ACBD6: variants seen among roughly 807,000 people sequenced by gnomAD.
ACBD6 encodes acyl-CoA binding domain containing 6.
ACBD6 carries 28 observed loss-of-function variants against 37.2 expected under a neutral mutation model. The observed-to-expected ratio is 0.75, with a 90% confidence interval of 0.56 to 1.03. ACBD6 has a LOEUF of 1.03. ACBD6 is among the 50% of genes least tolerant of loss of function. ACBD6 has a pLI of 0.00. For missense variants in ACBD6, 340 were observed against 337.4 expected (o/e 1.01, Z -0.06); for synonymous variants, 113 against 126.8 (o/e 0.89, Z 0.73).
chr1:180,472,578 A>C (rs1258290265), intron 3 of ACBD6, among the ~76,000 whole-genome samples: 1 of 152,148 alleles, frequency 6.6e-6, no homozygotes, highest in Non-Finnish European at 1.5e-5. Flanking sequence ...AAAATTAATA[A>C]AATCTAAATC....
chr1:180,289,734 T>G (rs1252526538), intron 7 of ACBD6, among the ~76,000 whole-genome samples: 2 of 152,168 alleles, frequency 1.3e-5, no homozygotes, highest in Non-Finnish European at 2.9e-5. Context: ...TGTAGAACAC[T>G]GGAAACTAAT....
At chr1:180,414,913 A>G (rs1026326755) in intron 4 of ACBD6, among the ~76,000 whole-genome samples, 12 of 152,108 alleles carry the variant, frequency 7.9e-5, no homozygotes, top group African/African-American at 2.9e-4. Flanking sequence ...TAGAAAGTAG[A>G]GCTGCAAATA....
At chr1:180,416,785 C>T (rs192537718) in intron 4 of ACBD6, among the ~76,000 whole-genome samples, 1 of 152,242 alleles carries the variant, frequency 6.6e-6, no homozygotes, top group African/African-American at 2.4e-5. Context: ...TTGCCCATTC[C>T]TAAATATGTT....
At chr1:180,318,244 C>T (rs1210689583) in intron 6 of ACBD6, among the ~76,000 whole-genome samples, 1 of 147,532 alleles carries the variant, frequency 6.8e-6, no homozygotes. Flanking sequence ...ATGCTCCTTG[C>T]TCTGTCTGGA....
intron 6 of ACBD6, among the ~76,000 whole-genome samples, chr1:180,391,500 T>C (rs2101942430): frequency 7.6e-6 from 1 of 131,218 alleles, no homozygotes; most frequent in South Asian, 2.7e-4. Context: ...AAAATCTGAA[T>C]AGAAATTTCC....
In ACBD6 at chr1:180,438,776, C is replaced by G. The variant is rs116705966; in HGVS notation, c.385-8514G>C. 4.8e-3 allele frequency among the ~76,000 whole-genome samples: 728 copies of G among 152,152 alleles called. 12 individuals are homozygous for G. The highest frequency in any genetic ancestry group is 0.017 in the African/African-American group (687 of 41,512). Reference sequence around the variant, plus strand: ...TAATACACTATTATTAATGAAAGTCCATAGTTTACATTAGGGTTCACTCTT... The same window carrying G: ...TAATACACTATTATTAATGAAAGTCGATAGTTTACATTAGGGTTCACTCTT... On this transcript the variant is annotated intron_variant, in intron 3 of 7. Transcript: ENST00000367595.
At chr1:180,406,658 GCTTA>G in intron 5 of ACBD6, among the ~76,000 whole-genome samples, 1 of 152,180 alleles carries the variant, frequency 6.6e-6, no homozygotes, top group East Asian at 1.9e-4. Flanking sequence ...TACAAATGTA[GCTTA>G]CTTTATTATT....
At chr1:180,424,759 G>C (rs991666133) in intron 4 of ACBD6, among the ~76,000 whole-genome samples, 1 of 152,006 alleles carries the variant, frequency 6.6e-6, no homozygotes, top group African/African-American at 2.4e-5. Context: ...AAAAGGAAGA[G>C]GAGAAGAAAA....
Position 180,393,018 on chromosome 1 carries a change from T to G in ACBD6, c.663+4498A>C, listed in dbSNP as rs576930543. Among the ~76,000 whole-genome samples, 7 of 152,344 alleles carry G rather than the reference T, an allele frequency of 4.6e-5. No individual in the cohort carries two copies. The East Asian group carries it at 1.3e-3, about 29-fold the overall frequency. ...AGCATTCAAATACCTTTTAATGTGC[T>G]TTGGGGGGTAGTTTTAATCTTTCTT... On this transcript the variant is annotated intron_variant, in intron 6 of 7. Transcript: ENST00000367595.
intron 3 of ACBD6, among the ~76,000 whole-genome samples, chr1:180,443,815 G>C (rs1446182816): frequency 6.7e-6 from 1 of 149,372 alleles, no homozygotes; most frequent in African/African-American, 2.5e-5. Context: ...AGTAGAGACA[G>C]GGTTTCACTG....
At chr1:180,333,808 C>A (rs1304571360) in intron 6 of ACBD6, among the ~76,000 whole-genome samples, 1 of 152,236 alleles carries the variant, frequency 6.6e-6, no homozygotes, top group Admixed American at 6.5e-5. Context: ...AATCAGGTCA[C>A]TCCCACTCTA....
intron 6 of ACBD6, among the ~76,000 whole-genome samples, chr1:180,342,635 A>C (rs999041744): frequency 2.0e-5 from 3 of 152,070 alleles, no homozygotes; most frequent in Non-Finnish European, 4.4e-5. Context: ...GCCTTAATAA[A>C]CCACATCACT....
intron 6 of ACBD6, among the ~76,000 whole-genome samples, chr1:180,392,281 GTGT>G (rs768141802): frequency 7.4e-6 from 1 of 134,658 alleles, no homozygotes; most frequent in Non-Finnish European, 1.5e-5. Context: ...GTGTGTGTGT[GTGT>G]ATGTATGTAA....
intron 4 of ACBD6, among the ~76,000 whole-genome samples, chr1:180,418,853 TG>T (rs879297021): frequency 1.3e-5 from 2 of 152,246 alleles, no homozygotes; most frequent in Admixed American, 1.3e-4. Context: ...GTTTAATCCC[TG>T]GAAGAGGCAA....
chr1:180,316,983 G>A (rs1650838725), intron 6 of ACBD6, among the ~76,000 whole-genome samples: 1 of 152,152 alleles, frequency 6.6e-6, no homozygotes, highest in Non-Finnish European at 1.5e-5. Context: ...CGGAGAACTG[G>A]GGAAGATACT....
rs1353471635 is a variant in ACBD6 at position 180,401,993 on chromosome 1, A to G, written c.574-4388T>C. ...TCATTCTATCAAACACATATAGTAT[A>G]TGGTATGGTACTGTCTAATTAGCAA... On this transcript the variant is annotated intron_variant, in intron 5 of 7. Transcript: ENST00000367595. Among the ~76,000 whole-genome samples, 11 of 152,300 alleles carry G rather than the reference A, an allele frequency of 7.2e-5. No individual in the cohort carries two copies. In the East Asian group the frequency reaches 2.1e-3, roughly 29 times the overall value.
chr1:180,451,129 TGGC>T (rs1270828535), intron 3 of ACBD6, among the ~76,000 whole-genome samples: 2 of 152,160 alleles, frequency 1.3e-5, no homozygotes, highest in Non-Finnish European at 2.9e-5. Flanking sequence ...GATATACAAA[TGGC>T]CAATGTGTAC....
At chr1:180,291,232 T>C (rs527475637) in intron 7 of ACBD6, among the ~76,000 whole-genome samples, 3 of 152,332 alleles carry the variant, frequency 2.0e-5, no homozygotes, top group South Asian at 2.1e-4. Context: ...TTTTCACAGC[T>C]TGTGGGTAAA....
In ACBD6 at chr1:180,307,397, TAATGGGTACAAAAAAATTGTTACA is replaced by T. The variant is rs575301563; in HGVS notation, c.694+7271_694+7294del. 5.9e-3 allele frequency among the ~76,000 whole-genome samples: 904 copies of T among 152,226 alleles called. 8 individuals carry two copies. The highest frequency in any genetic ancestry group is 0.02 in the African/African-American group (846 of 41,518). ...ACATGAGGGCGGAAATGGGGATGGT[TAATGGGTACAAAAAAATTGTTACA>T]AAGAATAAGACCCAGTATTTGACAG... is the stretch of plus-strand genomic sequence containing the variant. On this transcript the variant is annotated intron_variant, in intron 7 of 7. Transcript: ENST00000367595.
Sources: allele counts gnomAD v4.1 joint callset (sites outside exome capture counted in the v4.1 genomes callset), GRCh38; gene constraint gnomAD v4.1.1; transcripts MANE v1.5; gene names NCBI Gene and HGNC (gene_info 2026-07-23, HGNC 2026-07-21).